Variants in DMD observed in about 807,000 individuals in gnomAD.
The protein encoded by DMD is dystrophin, also known as mutant dystrophin.
Under a neutral mutation model 330.1 loss-of-function variants are expected in DMD, and 63 were observed. That is an observed-to-expected ratio of 0.19 (90% confidence interval 0.16 to 0.24). DMD has a LOEUF of 0.24. Among genes scored for constraint, DMD ranks in the 10% least tolerant of loss-of-function variants. The pLI is 1.00. For synonymous variants in DMD, 1,223 were observed against 959.8 expected (o/e 1.27, Z -5.07); for missense variants, 3,344 against 2,684.1 (o/e 1.25, Z -5.43).
At chrX:32,829,298 CCTA>C (rs1345839059) in intron 4 of DMD, among the ~76,000 whole-genome samples, 9 of 111,551 alleles carry the variant, frequency 8.1e-5, no homozygotes, top group Non-Finnish European at 1.7e-4. Flanking sequence ...CCTTTAATAA[CCTA>C]CTAAATGTTT....
chrX:32,323,893 C>T (rs1388189268), intron 41 of DMD, among the ~76,000 whole-genome samples: 1 of 111,316 alleles, frequency 9.0e-6, no homozygotes, highest in Non-Finnish European at 1.9e-5. Flanking sequence ...AATGTCTCAT[C>T]TAAAGATGAA....
chrX:32,272,684 G>A (rs2182194), intron 43 of DMD, among the ~76,000 whole-genome samples: 17,027 of 111,032 alleles, frequency 0.15, 1,033 homozygotes, highest in Admixed American at 0.17. Context: ...AAAATTATTC[G>A]TCTCTAAAAT....
intron 4 of DMD, among the ~76,000 whole-genome samples, chrX:32,841,488 T>TTG (rs1242472705): frequency 1.8e-5 from 2 of 111,857 alleles, no homozygotes; most frequent in African/African-American, 6.5e-5. Flanking sequence ...TACATGATAT[T>TTG]TGTGTGTGTA....
chrX:31,424,480 G>A (rs1474396613), intron 60 of DMD, among the ~76,000 whole-genome samples: 1 of 111,823 alleles, frequency 8.9e-6, no homozygotes, highest in Non-Finnish European at 1.9e-5. Context: ...TGGAAATCAG[G>A]TTTTTGGTTT....
chrX:31,522,701 G>C (rs1266654910), intron 55 of DMD, among the ~76,000 whole-genome samples: 1 of 109,963 alleles, frequency 9.1e-6, no homozygotes, highest in Non-Finnish European at 1.9e-5. Context: ...AGAAGATGGG[G>C]GTGATAATGC....
intron 1 of DMD, among the ~76,000 whole-genome samples, chrX:33,286,444 T>C (rs755236001): frequency 8.9e-6 from 1 of 112,039 alleles, no homozygotes; most frequent in Non-Finnish European, 1.9e-5. Context: ...CCTAATTTAT[T>C]GTGCATAATC....
chrX:32,763,335 T>G (rs1215204856), intron 7 of DMD, among the ~76,000 whole-genome samples: 1 of 112,002 alleles, frequency 8.9e-6, no homozygotes, highest in African/African-American at 3.2e-5. Context: ...ATTTAAAGAG[T>G]GCAAAAATAT....
chrX:32,401,002 T>TA lies in DMD; in HGVS notation c.4233+10749dup, dbSNP rs1173169510. ...TACACCTTGGAATACTATGCAGCCA[T>TA]AAAAAAGGATGAGTTCATGTCCTTT... On this transcript the variant is annotated intron_variant, in intron 30 of 78. Transcript: ENST00000357033. 2.4e-3 allele frequency among the ~76,000 whole-genome samples: 261 copies of TA among 110,277 alleles called. 3 individuals carry two copies. The highest frequency in any genetic ancestry group is 2.3e-3 in the Admixed American group (24 of 10,315).
intron 7 of DMD, among the ~76,000 whole-genome samples, chrX:32,745,931 T>C (rs1274528921): frequency 3.6e-5 from 4 of 112,177 alleles, no homozygotes; most frequent in African/African-American, 1.3e-4. Context: ...AACAGCTAGA[T>C]TTGAAGAGTA....
intron 43 of DMD, among the ~76,000 whole-genome samples, chrX:32,261,424 T>A (rs1290912089): frequency 9.0e-6 from 1 of 111,340 alleles, no homozygotes; most frequent in East Asian, 2.8e-4. Flanking sequence ...GGCAAAATAT[T>A]CAATTAAAGT....
intron 61 of DMD, among the ~76,000 whole-genome samples, chrX:31,346,625 C>T (rs1405952937): frequency 9.0e-6 from 1 of 110,537 alleles, no homozygotes; most frequent in Non-Finnish European, 1.9e-5. Context: ...TTCAGTTAAC[C>T]AAGGTTATTT....
At chrX:32,582,058 G>A (rs1161502218) in intron 13 of DMD, among the ~76,000 whole-genome samples, 3 of 111,278 alleles carry the variant, frequency 2.7e-5, no homozygotes, top group Non-Finnish European at 3.8e-5. Flanking sequence ...AAACCTACAG[G>A]AAAGATCATA....
At chrX:32,257,774 A>G (rs1019484558) in intron 43 of DMD, among the ~76,000 whole-genome samples, 1 of 111,811 alleles carries the variant, frequency 8.9e-6, no homozygotes, top group African/African-American at 3.3e-5. Context: ...CTGCATGACT[A>G]AAACACCAAA....
intron 2 of DMD, among the ~76,000 whole-genome samples, chrX:32,997,407 G>A (rs189241388): frequency 9.0e-6 from 1 of 110,892 alleles, no homozygotes; most frequent in East Asian, 2.9e-4. Flanking sequence ...CACCATGCCC[G>A]ACTGATTTTT....
chrX:31,819,778 C>T (rs1569451719), intron 50 of DMD, among the ~76,000 whole-genome samples, 197 bp downstream of exon 50: 2 of 113,156 alleles, frequency 1.8e-5, no homozygotes, highest in African/African-American at 3.2e-5. Flanking sequence ...CCCCATATCC[C>T]GTTGTCATGC....
chrX:32,353,230 A>G (rs1213770441), intron 37 of DMD, among the ~76,000 whole-genome samples: 1 of 111,636 alleles, frequency 9.0e-6, no homozygotes, highest in African/African-American at 3.2e-5. Flanking sequence ...GTTCAGCATT[A>G]GGCTATGCCC....
chrX:31,583,059 C>T (rs751021553), intron 55 of DMD, among the ~76,000 whole-genome samples: 1 of 112,226 alleles, frequency 8.9e-6, no homozygotes, highest in South Asian at 3.7e-4. Flanking sequence ...AAATATTTGA[C>T]AACTGCTTTA....
At chrX:31,807,261 G>T (rs1363851233) in intron 50 of DMD, among the ~76,000 whole-genome samples, 3 of 111,908 alleles carry the variant, frequency 2.7e-5, no homozygotes, top group Non-Finnish European at 5.6e-5. Context: ...ACACAAAAAA[G>T]AATTTTCCAA....
At chrX:32,047,440 C>T (rs2096071905) in intron 44 of DMD, among the ~76,000 whole-genome samples, 1 of 111,856 alleles carries the variant, frequency 8.9e-6, no homozygotes, top group African/African-American at 3.2e-5. Context: ...TAGTGTTTGA[C>T]TGAACTTGAA....
Sources: gnomAD v4.1 joint callset for allele counts (sites outside exome capture counted in the v4.1 genomes callset) on GRCh38, gnomAD v4.1.1 for gene constraint, MANE v1.5 for transcripts, NCBI Gene and HGNC (gene_info 2026-07-23, HGNC 2026-07-21) for gene names.